Variants in CADPS observed in about 807,000 individuals in gnomAD.
CADPS encodes the protein calcium dependent secretion activator.
Under a neutral mutation model 167.3 loss-of-function variants are expected in CADPS, and 57 were observed. That is an observed-to-expected ratio of 0.34 (90% CI 0.28 to 0.42). The LOEUF (loss-of-function observed/expected upper bound fraction) is 0.42. CADPS is among the 20% of genes least tolerant of loss of function. CADPS has a pLI of 1.00. For synonymous variants in CADPS, 676 were observed against 635.3 expected (o/e 1.06, Z -0.96); for missense variants, 1,414 against 1,738.1 (o/e 0.81, Z 3.32).
chr3:62,776,577 C>A, intron 1 of CADPS, among the ~76,000 whole-genome samples: 1 of 152,150 alleles, frequency 6.6e-6, no homozygotes, highest in Admixed American at 6.5e-5. Context: ...TGGCGTGAAC[C>A]CGGGAGGCGG....
At chr3:62,704,830 C>T (rs757423581) in intron 3 of CADPS, among the ~76,000 whole-genome samples, 2 of 152,076 alleles carry the variant, frequency 1.3e-5, no homozygotes, top group East Asian at 1.9e-4. Flanking sequence ...ATTGTGTAGA[C>T]TATTTTCTGA....
At chr3:62,729,992 C>A (rs189166073) in intron 3 of CADPS, among the ~76,000 whole-genome samples, 1 of 151,988 alleles carries the variant, frequency 6.6e-6, no homozygotes, top group African/African-American at 2.4e-5. Context: ...TGGTTTGAGA[C>A]CTTTCAGAGC....
intron 28 of CADPS, chr3:62,404,836 T>A (rs2149102137): frequency 6.7e-6 from 1 of 148,282 alleles, no homozygotes; most frequent in South Asian, 2.2e-4. Context: ...GCAGGGTGTT[T>A]GCTGGGGTCA....
intron 3 of CADPS, among the ~76,000 whole-genome samples, chr3:62,673,737 C>A (rs1476403299): frequency 6.6e-6 from 1 of 152,076 alleles, no homozygotes; most frequent in Non-Finnish European, 1.5e-5. Flanking sequence ...TTAGTTTGGG[C>A]AGCTGATTTG....
intron 6 of CADPS, among the ~76,000 whole-genome samples, chr3:62,643,237 C>T (rs116020782): frequency 3.5e-3 from 527 of 152,290 alleles, no homozygotes; most frequent in African/African-American, 0.012. Flanking sequence ...TCCTCTTCCA[C>T]GGCAGATGTT....
intron 1 of CADPS, among the ~76,000 whole-genome samples, chr3:62,833,890 C>T (rs2075511160): frequency 6.6e-6 from 1 of 152,112 alleles, no homozygotes; most frequent in Admixed American, 6.5e-5. Context: ...AAATTATAAA[C>T]CATGTGTATA....
intron 1 of CADPS, among the ~76,000 whole-genome samples, chr3:62,831,898 A>G (rs2075159155): frequency 1.3e-5 from 2 of 152,212 alleles, no homozygotes; most frequent in African/African-American, 2.4e-5. Context: ...GGAACAGGTG[A>G]GAAAACAGGG....
chr3:62,824,344 G>A (rs983370347), intron 1 of CADPS, among the ~76,000 whole-genome samples: 2 of 152,118 alleles, frequency 1.3e-5, no homozygotes, highest in African/African-American at 2.4e-5. Context: ...CTTTGTGGCA[G>A]CAACAGATTT....
At chr3:62,498,539 G>A (rs760426022) in intron 18 of CADPS, among the ~76,000 whole-genome samples, 5 of 152,042 alleles carry the variant, frequency 3.3e-5, no homozygotes, top group Non-Finnish European at 7.4e-5. Context: ...TTGGGATTTA[G>A]TTAGCCTTGA....
At chr3:62,680,300 T>C (rs1876253) in intron 3 of CADPS, among the ~76,000 whole-genome samples, 111,611 of 151,822 alleles carry the variant, frequency 0.74, 41,406 homozygotes, top group East Asian at 0.95. Flanking sequence ...AAGCACAGCG[T>C]CTTCCTCTTT....
rs554197608 is a variant in CADPS, at chr3:62,855,091, A to ATTTTTTTTTTTTTTT, written c.441+19483_441+19497dup. On this transcript the variant is annotated intron_variant, in intron 1 of 29. Transcript: ENST00000383710. The stretch of plus-strand genomic sequence containing the variant: ...AGGCACGTGCCATCATGCCCGGCTA[A>ATTTTTTTTTTTTTTT]TTTTTTTTTTTTTTTTTTGTCTTTT... Among the ~76,000 whole-genome samples the ATTTTTTTTTTTTTTT allele has an allele frequency of 7.4e-3, 684 of 92,554 alleles. 34 individuals are homozygous for ATTTTTTTTTTTTTTT. The highest frequency in any genetic ancestry group is 0.02 in the African/African-American group (562 of 28,392). The allele number at this position is 92,554 out of a possible 152,430, so 60.7% of individuals were successfully genotyped here. A position where few individuals can be genotyped will look rare whatever the true frequency, so the allele number is the denominator to read the frequency against.
intron 18 of CADPS, 72 bp from the exon 19 acceptor site, chr3:62,493,737 C>T: frequency 8.2e-7 from 1 of 1,225,378 alleles, no homozygotes; most frequent in East Asian, 2.6e-5. Context: ...TGGAAATAGA[C>T]ACCTGCTGTT....
intron 3 of CADPS, among the ~76,000 whole-genome samples, chr3:62,743,325 A>G (rs1205296940): frequency 3.3e-5 from 5 of 152,220 alleles, no homozygotes; most frequent in African/African-American, 1.2e-4. Flanking sequence ...TAACAAGAAC[A>G]CAGCCATGCC....
chr3:62,595,132 C>T (rs2058730727), intron 6 of CADPS, among the ~76,000 whole-genome samples: 1 of 151,866 alleles, frequency 6.6e-6, no homozygotes, highest in African/African-American at 2.4e-5. Context: ...TGAGAGTTGA[C>T]AAAAGAAGAC....
intron 1 of CADPS, among the ~76,000 whole-genome samples, chr3:62,825,237 G>A (rs1205272806): frequency 6.6e-6 from 1 of 152,092 alleles, no homozygotes; most frequent in Non-Finnish European, 1.5e-5. Context: ...GCTTGGAGGG[G>A]AACTAGCTTC....
chr3:62,866,153 A>G (rs939629791), intron 1 of CADPS, among the ~76,000 whole-genome samples: 1 of 152,152 alleles, frequency 6.6e-6, no homozygotes, highest in Admixed American at 6.6e-5. Context: ...TTTCTCTACA[A>G]TGGATCTAGA....
chr3:62,781,881 G>A (rs2091707322), intron 1 of CADPS, among the ~76,000 whole-genome samples: 1 of 152,190 alleles, frequency 6.6e-6, no homozygotes, highest in Non-Finnish European at 1.5e-5. Flanking sequence ...AGGCCTTACA[G>A]CCTTCGCTTC....
chr3:62,791,778 C>T (rs2092968706), intron 1 of CADPS, among the ~76,000 whole-genome samples: 1 of 152,186 alleles, frequency 6.6e-6, no homozygotes. Flanking sequence ...TCTGGCAATG[C>T]CCTTTCCTAA....
chr3:62,522,299 T>C (rs1376920), intron 13 of CADPS, among the ~76,000 whole-genome samples: 134,214 of 151,676 alleles, frequency 0.88, 59,737 homozygotes, highest in South Asian at 0.96. Context: ...ACCATATCTT[T>C]TAATTTTGTT....
Sources: gnomAD v4.1 joint callset for allele counts (sites outside exome capture counted in the v4.1 genomes callset) on GRCh38, gnomAD v4.1.1 for gene constraint, MANE v1.5 for transcripts, NCBI Gene and HGNC (gene_info 2026-07-23, HGNC 2026-07-21) for gene names.